Variants in XKR9 observed in about 807,000 individuals in gnomAD.
XKR9 encodes XK related 9.
A neutral mutation model predicts 32.0 loss-of-function variants in XKR9; 32 were observed. The ratio of observed to expected loss-of-function variants is 1.00; its 90% CI spans 0.76 to 1.34. The LOEUF (loss-of-function observed/expected upper bound fraction) is 1.34, where lower values mean the gene tolerates loss of function less well. XKR9 is among the 40% of genes most tolerant of loss of function. The pLI is 0.00. For synonymous variants in XKR9, 168 were observed against 143.4 expected (o/e 1.17, Z -1.22); for missense variants, 546 against 429.7 (o/e 1.27, Z -2.39).
intron 2 of XKR9, among the ~76,000 whole-genome samples, chr8:70,772,311 A>G (rs1807464268): frequency 6.6e-6 from 1 of 152,216 alleles, no homozygotes; most frequent in Admixed American, 6.5e-5. Context: ...GATTTGTGAA[A>G]GAGAACACAC....
intron 2 of XKR9, among the ~76,000 whole-genome samples, chr8:70,788,982 A>G (rs764445928): frequency 6.6e-6 from 1 of 152,058 alleles, no homozygotes; most frequent in Non-Finnish European, 1.5e-5. Flanking sequence ...TGTTTCATCT[A>G]TCAAATATGA....
At chr8:70,821,304 A>T in the XKR9 span, among the ~76,000 whole-genome samples, 1 of 152,246 alleles carries the variant, frequency 6.6e-6, no homozygotes, top group Non-Finnish European at 1.5e-5. Context: ...GGTCTTGAGC[A>T]GCTCCACCCC....
chr8:71,039,867 A>G, the XKR9 span, among the ~76,000 whole-genome samples: 1 of 152,236 alleles, frequency 6.6e-6, no homozygotes, highest in South Asian at 2.1e-4. Context: ...TCCATTCAAT[A>G]TTTCCCTCTC....
chr8:71,005,318 G>T, the XKR9 span, among the ~76,000 whole-genome samples: 2 of 150,946 alleles, frequency 1.3e-5, no homozygotes, highest in African/African-American at 4.9e-5. Context: ...TGCCTCCCAG[G>T]TTCGAGCAAT....
At chr8:71,031,025 T>C in the XKR9 span, among the ~76,000 whole-genome samples, 1 of 152,146 alleles carries the variant, frequency 6.6e-6, no homozygotes, top group African/African-American at 2.4e-5. Context: ...TCCTCCTTCT[T>C]CTTTTCTTCT....
chr8:70,805,710 T>C, the XKR9 span, among the ~76,000 whole-genome samples: 3 of 152,178 alleles, frequency 2.0e-5, no homozygotes, highest in African/African-American at 7.2e-5. Context: ...CTGCAGGAAC[T>C]CCAATAACTC....
the XKR9 span, among the ~76,000 whole-genome samples, chr8:70,803,796 G>C: frequency 1.3e-5 from 2 of 152,194 alleles, no homozygotes; most frequent in African/African-American, 4.8e-5. Flanking sequence ...TGCATTTTGT[G>C]GACAGGCTAT....
chr8:70,995,086 T>C, the XKR9 span, among the ~76,000 whole-genome samples: 1 of 152,224 alleles, frequency 6.6e-6, no homozygotes, highest in Non-Finnish European at 1.5e-5. Flanking sequence ...TATGTCCTGC[T>C]TTTAGACAAA....
chr8:70,771,969 A>G (rs1337232152), intron 2 of XKR9, among the ~76,000 whole-genome samples: 1 of 152,246 alleles, frequency 6.6e-6, no homozygotes, highest in Non-Finnish European at 1.5e-5. Flanking sequence ...CATGAGATTT[A>G]GATAAACAAA....
the XKR9 span, among the ~76,000 whole-genome samples, chr8:70,972,822 C>G: frequency 6.6e-6 from 1 of 152,118 alleles, no homozygotes; most frequent in Non-Finnish European, 1.5e-5. Context: ...CCCACTTGAT[C>G]ATGGTGGATC....
the XKR9 span, among the ~76,000 whole-genome samples, chr8:70,834,372 T>G: frequency 6.6e-6 from 1 of 152,096 alleles, no homozygotes; most frequent in Non-Finnish European, 1.5e-5. Flanking sequence ...TTGTTTCCAT[T>G]TATTTTAATA....
At chr8:70,689,925 T>C (rs1387532321) in intron 3 of XKR9, among the ~76,000 whole-genome samples, 2 of 152,128 alleles carry the variant, frequency 1.3e-5, no homozygotes, top group African/African-American at 2.4e-5. Context: ...AAAAGCTGGA[T>C]AGTGGGTTAT....
At chr8:70,975,502 C>G in the XKR9 span, among the ~76,000 whole-genome samples, 5 of 152,132 alleles carry the variant, frequency 3.3e-5, no homozygotes, top group Non-Finnish European at 7.4e-5. Flanking sequence ...ATACGGAATC[C>G]TTTCCCCATT....
chr8:70,894,526 A>T, the XKR9 span, among the ~76,000 whole-genome samples: 1 of 152,048 alleles, frequency 6.6e-6, no homozygotes, highest in East Asian at 1.9e-4. Context: ...CCATGATACC[A>T]ATTCCCCAGG....
At chr8:71,058,153 C>T in the XKR9 span, among the ~76,000 whole-genome samples, 1 of 151,650 alleles carries the variant, frequency 6.6e-6, no homozygotes, top group Non-Finnish European at 1.5e-5. Context: ...TGCACTCCAG[C>T]CTGGGCAACA....
the XKR9 span, among the ~76,000 whole-genome samples, chr8:70,816,217 C>T: frequency 5.3e-4 from 80 of 152,112 alleles, no homozygotes; most frequent in Non-Finnish European, 8.4e-4. Flanking sequence ...TAATCTTTGA[C>T]GAAATCAGCA....
At chr8:70,761,618 C>T (rs573614880) in intron 2 of XKR9, among the ~76,000 whole-genome samples, 41 of 151,952 alleles carry the variant, frequency 2.7e-4, no homozygotes, top group African/African-American at 8.7e-4. Flanking sequence ...AGATGCAGTT[C>T]GCAAACATTT....
chr8:70,843,205 T>C, the XKR9 span, among the ~76,000 whole-genome samples: 21 of 152,332 alleles, frequency 1.4e-4, 1 homozygote, highest in South Asian at 2.3e-3. Context: ...ATAGAGGCCA[T>C]AATAAAGCTA....
At chr8:70,908,893 A>C in the XKR9 span, among the ~76,000 whole-genome samples, 3 of 152,180 alleles carry the variant, frequency 2.0e-5, no homozygotes, top group East Asian at 3.8e-4. Context: ...TATAAACCTA[A>C]GAGTCATATG....
Sources: allele counts gnomAD v4.1 joint callset (sites outside exome capture counted in the v4.1 genomes callset), GRCh38; gene constraint gnomAD v4.1.1; transcripts MANE v1.5; gene names NCBI Gene and HGNC (gene_info 2026-07-23, HGNC 2026-07-21).